The following RBX1 variants were observed in gnomAD, a reference collection of about 807,000 sequenced individuals.
RBX1 encodes the protein ring-box 1.
For missense variants in RBX1, 46 were observed against 141.4 expected, an observed-to-expected ratio of 0.33 and a Z score of 3.42; for synonymous variants, 48 against 47.9, an observed-to-expected ratio of 1.00 and a Z score of -0.01.
intron 2 of RBX1, among the ~76,000 whole-genome samples, chr22:40,958,000 A>G (rs2058330267): frequency 6.6e-6 from 1 of 151,932 alleles, no homozygotes; most frequent in South Asian, 2.1e-4. Flanking sequence ...AATTTTTTGT[A>G]TTTTTAGTAG....
At position 40,964,028 on chromosome 22, in the gene RBX1, G is replaced by T. The variant is rs772841653; in HGVS notation, c.158-19G>T. Reference sequence around the variant, plus strand: ...GCTGCTCCCAAGGTCCAGTGATCCTGTTGCTCTTGTTCCCACAGGCATAGA... The same window carrying T: ...GCTGCTCCCAAGGTCCAGTGATCCTTTTGCTCTTGTTCCCACAGGCATAGA... On this transcript the variant is annotated intron_variant, in intron 2 of 4. Coordinates refer to ENST00000216225, the MANE Select transcript of RBX1 (RefSeq NM_014248.4). The T allele has an allele frequency of 3.1e-6, 5 of 1,608,768 alleles. No individual in the cohort carries two copies. In the South Asian group the frequency reaches 4.4e-5, roughly 14 times the overall value.
At chr22:40,967,954 G>C in intron 4 of RBX1, 70 bp downstream of exon 4, 1 of 1,053,952 alleles carries the variant, frequency 9.5e-7, no homozygotes, top group Admixed American at 1.7e-5. Context: ...TGGTCTTGGG[G>C]GATGGAGACA....
intron 4 of RBX1, among the ~76,000 whole-genome samples, chr22:40,968,288 A>G (rs1308219218): frequency 6.6e-6 from 1 of 151,804 alleles, no homozygotes; most frequent in Non-Finnish European, 1.5e-5. Flanking sequence ...ATTGGGTTTC[A>G]CCATGTTGGC....
chr22:40,963,560 CG>C lies in RBX1; in HGVS notation c.158-481del, dbSNP rs372764255. Among the ~76,000 whole-genome samples, 622 of 152,200 alleles carry C rather than the reference CG, an allele frequency of 4.1e-3. 3 individuals are homozygous for C. Among genetic ancestry groups the C allele is most frequent in the African/African-American group, 0.014 (580 of 41,522 alleles). On this transcript the variant is annotated intron_variant, in intron 2 of 4. Transcript: ENST00000216225. ...CTGAGACACGAGAATCGCTTGAACTCGGGGGGCGGAGGTTGCAGTGAGCCAA... is the reference window on the plus strand; with the variant it reads ...CTGAGACACGAGAATCGCTTGAACTCGGGGGCGGAGGTTGCAGTGAGCCAA...
At chr22:40,961,394 A>G (rs945634121) in intron 2 of RBX1, among the ~76,000 whole-genome samples, 6 of 151,262 alleles carry the variant, frequency 4.0e-5, no homozygotes, top group African/African-American at 1.5e-4. Flanking sequence ...CCAATTCTTT[A>G]TTTTTATTTT....
At chr22:40,953,476 C>G in intron 1 of RBX1, 79 bp from the exon 2 acceptor site, 1 of 931,046 alleles carries the variant, frequency 1.1e-6, no homozygotes, top group South Asian at 1.3e-5. Context: ...ATGATAACTG[C>G]AGCTGCAGCC....
chr22:40,951,540 G>A (rs1432966817), intron 1 of RBX1, 64 bp downstream of exon 1: 2 of 1,473,580 alleles, frequency 1.4e-6, no homozygotes, highest in Non-Finnish European at 9.3e-7. Flanking sequence ...TGGCAGGCCC[G>A]AGGATGGTCG....
chr22:40,971,406 T>TC (rs916453743), intron 4 of RBX1, among the ~76,000 whole-genome samples: 1 of 152,180 alleles, frequency 6.6e-6, no homozygotes, highest in African/African-American at 2.4e-5. Context: ...GATCCAGAGT[T>TC]CCAGTGCCCT....
chr22:40,964,889 G>A (rs1440407444), intron 3 of RBX1, among the ~76,000 whole-genome samples: 1 of 152,046 alleles, frequency 6.6e-6, no homozygotes, highest in Non-Finnish European at 1.5e-5. Context: ...TCCAATCCTG[G>A]GTTCCCTCAT....
At chr22:40,963,755 A>G (rs1483051168) in intron 2 of RBX1, among the ~76,000 whole-genome samples, 1 of 152,138 alleles carries the variant, frequency 6.6e-6, no homozygotes, top group Non-Finnish European at 1.5e-5. Flanking sequence ...AGGCTGAGGG[A>G]GAATCACCTA....
At chr22:40,957,509 A>T (rs2058328892) in intron 2 of RBX1, among the ~76,000 whole-genome samples, 1 of 150,998 alleles carries the variant, frequency 6.6e-6, no homozygotes, top group Non-Finnish European at 1.5e-5. Flanking sequence ...ATGGTGGCTT[A>T]TGCCTGTGGT....
At chr22:40,961,995 G>A (rs982870113) in intron 2 of RBX1, among the ~76,000 whole-genome samples, 3 of 152,228 alleles carry the variant, frequency 2.0e-5, no homozygotes, top group African/African-American at 7.2e-5. Flanking sequence ...ATGTTTGCCA[G>A]GCTGGTCTCG....
At chr22:40,960,197 G>A (rs1297268892) in intron 2 of RBX1, among the ~76,000 whole-genome samples, 1 of 152,174 alleles carries the variant, frequency 6.6e-6, no homozygotes, top group African/African-American at 2.4e-5. Context: ...AGTACCAAGA[G>A]CCTAATTTGC....
chr22:40,957,663 T>G (rs2058329375), intron 2 of RBX1, among the ~76,000 whole-genome samples: 1 of 152,118 alleles, frequency 6.6e-6, no homozygotes, highest in African/African-American at 2.4e-5. Flanking sequence ...GTTTATTTTT[T>G]ATTTTTATGT....
chr22:40,969,486 A>C (rs1298134245), intron 4 of RBX1, among the ~76,000 whole-genome samples: 1 of 152,176 alleles, frequency 6.6e-6, no homozygotes, highest in African/African-American at 2.4e-5. Context: ...TTGGTGGCTC[A>C]CACCTGTGAT....
chr22:40,966,436 C>G (rs2058354640), intron 3 of RBX1: 1 of 152,186 alleles, frequency 6.6e-6, no homozygotes, highest in Admixed American at 6.5e-5. Context: ...GTCGAATACC[C>G]TTCGGTGAGC....
Position 40,971,745 on chromosome 22 carries a change from C to T in RBX1, c.315-731C>T, listed in dbSNP as rs900775422. Among the ~76,000 whole-genome samples the T allele has an allele frequency of 5.9e-5, 9 of 152,004 alleles. No individual in the cohort carries two copies. The East Asian group carries it at 1.2e-3, about 20-fold the overall frequency. On this transcript the variant is annotated intron_variant, in intron 4 of 4. Coordinates refer to ENST00000216225, the MANE Select transcript of RBX1 (RefSeq NM_014248.4). ...CTAATTTTTGTATTTTTAGTAGAGA[C>T]GGGGTTTCACCATGTTGGCCAGGCT... is the stretch of plus-strand genomic sequence containing the variant.
At chr22:40,969,428 G>A (rs2146304122) in intron 4 of RBX1, among the ~76,000 whole-genome samples, 1 of 152,278 alleles carries the variant, frequency 6.6e-6, no homozygotes, top group East Asian at 1.9e-4. Context: ...TGTATCTGGA[G>A]CAGTAATTCC....
At chr22:40,954,877 C>T (rs950627646) in intron 2 of RBX1, among the ~76,000 whole-genome samples, 1 of 152,116 alleles carries the variant, frequency 6.6e-6, no homozygotes, top group African/African-American at 2.4e-5. Context: ...ACCTCCGCCT[C>T]CCGAGTTCAA....
Sources: gnomAD v4.1 joint callset for allele counts (sites outside exome capture counted in the v4.1 genomes callset) on GRCh38, gnomAD v4.1.1 for gene constraint, MANE v1.5 for transcripts, NCBI Gene and HGNC (gene_info 2026-07-23, HGNC 2026-07-21) for gene names.